Variants in ARHGAP24 observed in about 807,000 individuals in gnomAD.
The protein encoded by ARHGAP24 is Rho GTPase activating protein 24.
ARHGAP24 carries 50 observed loss-of-function variants against 76.4 expected under a neutral mutation model. That is an observed-to-expected ratio of 0.65 (90% CI 0.52 to 0.83). ARHGAP24 has a LOEUF of 0.83. ARHGAP24 is among the 40% of genes least tolerant of loss of function. The probability of loss-of-function intolerance (pLI) is 0.00; values close to 1 mark genes in which losing one functional copy is unlikely to be tolerated. For missense variants in ARHGAP24, 930 were observed against 914.2 expected (o/e 1.02, Z -0.22); for synonymous variants, 345 against 323.3 (o/e 1.07, Z -0.72).
chr4:85,838,744 A>G (rs1730429507), intron 3 of ARHGAP24, among the ~76,000 whole-genome samples: 1 of 152,204 alleles, frequency 6.6e-6, no homozygotes, highest in Non-Finnish European at 1.5e-5. Flanking sequence ...GTTTTCTTTA[A>G]GACATAAACA....
chr4:85,737,623 G>A (rs1427396295), intron 3 of ARHGAP24, among the ~76,000 whole-genome samples: 1 of 152,182 alleles, frequency 6.6e-6, no homozygotes, highest in African/African-American at 2.4e-5. Flanking sequence ...GCAAGGAGAT[G>A]ATAATATTGC....
At chr4:85,733,406 T>C (rs1449283176) in intron 3 of ARHGAP24, among the ~76,000 whole-genome samples, 1 of 152,114 alleles carries the variant, frequency 6.6e-6, no homozygotes, top group Non-Finnish European at 1.5e-5. Context: ...ACTGTTATTA[T>C]GAAGGGGCAC....
chr4:85,720,118 G>A (rs1436120074), intron 2 of ARHGAP24, among the ~76,000 whole-genome samples: 1 of 151,522 alleles, frequency 6.6e-6, no homozygotes, highest in East Asian at 2.0e-4. Flanking sequence ...CTGTTGTGGG[G>A]TGGGGGGATG....
At chr4:85,704,385 AC>A (rs1367578656) in intron 2 of ARHGAP24, among the ~76,000 whole-genome samples, 4 of 152,118 alleles carry the variant, frequency 2.6e-5, no homozygotes, top group Non-Finnish European at 5.9e-5. Flanking sequence ...TTGGCATCAA[AC>A]CCCTTATTTA....
chr4:85,997,335 G>C (rs1235993828), intron 9 of ARHGAP24, among the ~76,000 whole-genome samples: 1 of 150,412 alleles, frequency 6.6e-6, no homozygotes, highest in Non-Finnish European at 1.5e-5. Context: ...ATGATAGATA[G>C]ATAGATAGAG....
At chr4:85,576,190 G>A (rs1408348608) in intron 2 of ARHGAP24, among the ~76,000 whole-genome samples, 1 of 112,902 alleles carries the variant, frequency 8.9e-6, no homozygotes, top group African/African-American at 3.4e-5. Context: ...AGCACTTTGG[G>A]AGGCCGAGGC....
In ARHGAP24 at chr4:85,564,295, A is replaced by G. The variant is rs551332508; in HGVS notation, c.-20-6227A>G. Among the ~76,000 whole-genome samples, 139 of 152,148 alleles carry G rather than the reference A, an allele frequency of 9.1e-4. 1 individual carries two copies. Among genetic ancestry groups the G allele is most frequent in the Non-Finnish European group, 1.5e-3 (101 of 68,006 alleles). Reference sequence around the variant, plus strand: ...ATCATTTTTTATGGCTGCAAGGACAAAAAAAACAAGCACTGTATGTTCTCG... The same window carrying G: ...ATCATTTTTTATGGCTGCAAGGACAGAAAAAACAAGCACTGTATGTTCTCG... On this transcript the variant is annotated intron_variant, in intron 1 of 9. Transcript: ENST00000395184.
intron 8 of ARHGAP24, among the ~76,000 whole-genome samples, chr4:85,979,795 C>T (rs1433715560): frequency 6.6e-6 from 1 of 152,082 alleles, no homozygotes; most frequent in Admixed American, 6.6e-5. Context: ...TTTTTTAACT[C>T]CTCTAAAAAT....
At chr4:85,601,679 A>G (rs537520554) in intron 2 of ARHGAP24, among the ~76,000 whole-genome samples, 1 of 152,310 alleles carries the variant, frequency 6.6e-6, no homozygotes, top group African/African-American at 2.4e-5. Flanking sequence ...GAGCTATTGT[A>G]TACTGAATTT....
At chr4:85,915,181 A>T (rs796631061) in intron 3 of ARHGAP24, among the ~76,000 whole-genome samples, 16 of 152,330 alleles carry the variant, frequency 1.1e-4, no homozygotes, top group African/African-American at 3.8e-4. Flanking sequence ...CTGGGAAACA[A>T]GTATTCAAAA....
intron 6 of ARHGAP24, among the ~76,000 whole-genome samples, chr4:85,974,283 T>C (rs1315555735): frequency 1.3e-5 from 2 of 152,182 alleles, no homozygotes; most frequent in Non-Finnish European, 2.9e-5. Context: ...CCATAACGCC[T>C]CAAATATTTA....
chr4:85,923,022 C>G (rs346517), intron 3 of ARHGAP24, among the ~76,000 whole-genome samples: 51,316 of 151,696 alleles, frequency 0.34, 9,020 homozygotes, highest in East Asian at 0.65. Flanking sequence ...GTTGATCTGG[C>G]CTTCGTGGCT....
intron 2 of ARHGAP24, among the ~76,000 whole-genome samples, chr4:85,661,660 C>T (rs1469153936): frequency 6.6e-6 from 1 of 151,950 alleles, no homozygotes; most frequent in Non-Finnish European, 1.5e-5. Context: ...AATGCTATCC[C>T]TCCCCCCTTC....
chr4:85,997,924 T>C (rs1162008542), intron 9 of ARHGAP24, among the ~76,000 whole-genome samples: 1 of 152,186 alleles, frequency 6.6e-6, no homozygotes, highest in Non-Finnish European at 1.5e-5. Flanking sequence ...CCCAAAGTGC[T>C]GGGGTTACAG....
At chr4:85,861,559 T>C (rs971376296) in intron 3 of ARHGAP24, among the ~76,000 whole-genome samples, 1 of 152,138 alleles carries the variant, frequency 6.6e-6, no homozygotes, top group African/African-American at 2.4e-5. Flanking sequence ...TGTTGTGCAC[T>C]GCTTGGGCAT....
At chr4:85,981,042 C>T (rs1739631888) in intron 8 of ARHGAP24, among the ~76,000 whole-genome samples, 1 of 152,154 alleles carries the variant, frequency 6.6e-6, no homozygotes, top group African/African-American at 2.4e-5. Context: ...CTTGAGAACA[C>T]ATTTCTTTCA....
intron 3 of ARHGAP24, among the ~76,000 whole-genome samples, chr4:85,879,930 C>A (rs969656686): frequency 2.6e-4 from 39 of 151,954 alleles, no homozygotes; most frequent in African/African-American, 7.5e-4. Flanking sequence ...CTGGATTCCT[C>A]CCATGCGCAG....
intron 1 of ARHGAP24, among the ~76,000 whole-genome samples, chr4:85,507,296 A>G (rs555702473): frequency 5.3e-5 from 8 of 152,226 alleles, no homozygotes; most frequent in African/African-American, 1.2e-4. Flanking sequence ...ATCATGGCTC[A>G]CTGTAGCCTT....
At chr4:85,870,951 T>A (rs1261996731) in intron 3 of ARHGAP24, among the ~76,000 whole-genome samples, 1 of 152,200 alleles carries the variant, frequency 6.6e-6, no homozygotes, top group Non-Finnish European at 1.5e-5. Flanking sequence ...ATGGTACAAT[T>A]GTATTTCTGT....
Sources: allele counts gnomAD v4.1 joint callset (sites outside exome capture counted in the v4.1 genomes callset), GRCh38; gene constraint gnomAD v4.1.1; transcripts MANE v1.5; gene names NCBI Gene and HGNC (gene_info 2026-07-23, HGNC 2026-07-21).